ZFP42: variants seen among roughly 807,000 people sequenced by gnomAD.
ZFP42 encodes zinc finger protein 42 homolog.
For missense variants in ZFP42, 438 were observed against 377.1 expected (o/e 1.16, Z -1.34); for synonymous variants, 175 against 144.6 (o/e 1.21, Z -1.51).
chr4:187,998,318 A>G (rs1462750280), intron 1 of ZFP42, among the ~76,000 whole-genome samples: 1 of 151,640 alleles, frequency 6.6e-6, no homozygotes, highest in Non-Finnish European at 1.5e-5. Context: ...CCTGGGCAAC[A>G]AGAGGGAAAC....
intron 3 of ZFP42, among the ~76,000 whole-genome samples, chr4:188,000,708 G>T (rs1368064464): frequency 6.6e-6 from 1 of 152,158 alleles, no homozygotes; most frequent in East Asian, 1.9e-4. Context: ...CAGGCCTGGC[G>T]CAGTGGCTCA....
At chr4:187,996,895 C>T (rs1222313295) in intron 1 of ZFP42, among the ~76,000 whole-genome samples, 1 of 152,186 alleles carries the variant, frequency 6.6e-6, no homozygotes, top group Non-Finnish European at 1.5e-5. Context: ...TCCTTGGGAC[C>T]TGGGATGAAA....
At chr4:187,997,064 C>T (rs1264332350) in intron 1 of ZFP42, among the ~76,000 whole-genome samples, 1 of 149,960 alleles carries the variant, frequency 6.7e-6, no homozygotes, top group Non-Finnish European at 1.5e-5. Flanking sequence ...CTGCAGCCCC[C>T]GGGGAGCGCC....
intron 1 of ZFP42, among the ~76,000 whole-genome samples, chr4:187,997,399 A>G (rs1733643792): frequency 6.7e-6 from 1 of 149,314 alleles, no homozygotes; most frequent in South Asian, 2.1e-4. Context: ...ACGCCCGACT[A>G]ATTTTTTTTA....
At position 188,003,333 on chromosome 4, in the gene ZFP42, C is replaced by A. The variant is rs1425250917; in HGVS notation, c.526C>A (p.Pro176Thr). ...KQLAEFARKK[P>T]PINKEYDSLS... ...GCTCGCAGAATTTGCTAGAAAGAAGCCCCCCATAAATAAAGAATATGACAG... is the reference window on the plus strand; with the variant it reads ...GCTCGCAGAATTTGCTAGAAAGAAGACCCCCATAAATAAAGAATATGACAG... Residue 176 changes from proline (P) to threonine (T), a missense_variant, in exon 4 of 4, where the codon CCC becomes ACC. By Grantham distance (38) the Pro-to-Thr change is conservative. Coordinates refer to ENST00000326866, the MANE Select transcript of ZFP42 (RefSeq NM_174900.5). 1 of 1,613,986 alleles carries A rather than the reference C, an allele frequency of 6.2e-7. No homozygotes were observed.
intron 3 of ZFP42, among the ~76,000 whole-genome samples, chr4:188,000,271 C>T (rs1328264411): frequency 6.6e-6 from 1 of 152,154 alleles, no homozygotes; most frequent in Admixed American, 6.5e-5. Context: ...TTTAAATGGA[C>T]TAATTGGGGA....
chr4:187,997,000 A>ATGGAGCG (rs150847996), intron 1 of ZFP42, among the ~76,000 whole-genome samples: 9 of 88,190 alleles, frequency 1.0e-4, no homozygotes, highest in Non-Finnish European at 2.1e-4. Context: ...AGCATGGAGC[A>ATGGAGCG]TGGAGCGTGG....
intron 1 of ZFP42, among the ~76,000 whole-genome samples, chr4:187,997,631 G>A (rs1373437223): frequency 6.6e-6 from 1 of 151,948 alleles, no homozygotes; most frequent in African/African-American, 2.4e-5. Context: ...TGTTAACGAG[G>A]AACTTTGCAT....
intron 1 of ZFP42, among the ~76,000 whole-genome samples, chr4:187,997,228 C>CTTT (rs71595201): frequency 0.01 from 628 of 59,976 alleles, 102 homozygotes; most frequent in African/African-American, 0.042. Context: ...CTCTCATATT[C>CTTT]TTTTTTTTTT....
At chr4:188,002,639 T>A in intron 3 of ZFP42, 74 bp from the exon 4 acceptor site, 3 of 623,714 alleles carry the variant, frequency 4.8e-6, no homozygotes, top group Non-Finnish European at 5.7e-6. Context: ...TTGGAAAATG[T>A]GTCTTAGGTC....
downstream of ZFP42, chr4:188,005,125 G>A (rs1734003676): frequency 6.0e-6 from 1 of 166,768 alleles, no homozygotes; most frequent in Non-Finnish European, 1.5e-5. Context: ...TTAAAACTTA[G>A]CAAAATTCAA....
chr4:188,002,812 G>A lies in ZFP42; in HGVS notation c.5G>A (p.Ser2Asn), dbSNP rs1449063706. M[S>N]QQLKKRAKTR... The stretch of plus-strand genomic sequence containing the variant: ...GAAGGGCACAGGCAGGAAAACATGA[G>A]CCAGCAACTGAAGAAACGGGCAAAG... The change falls in exon 4 of 4, where the codon AGC (serine) becomes AAC (asparagine). Residue 2 changes from serine (S) to asparagine (N), a missense_variant. By Grantham distance (46) the Ser-to-Asn change is conservative (BLOSUM62 1). Transcript: ENST00000326866. 2 of 1,613,592 alleles carry A rather than the reference G, an allele frequency of 1.2e-6. No homozygotes were observed. Among genetic ancestry groups the A allele is most frequent in the Non-Finnish European group, 8.5e-7 (1 of 1,179,872 alleles).
chr4:187,997,014 G>C (rs112725806), intron 1 of ZFP42, among the ~76,000 whole-genome samples: 1 of 23,090 alleles, frequency 4.3e-5, no homozygotes, highest in South Asian at 2.0e-3. Context: ...AGCGTGGAGC[G>C]TGGAGCATGG....
At chr4:188,000,200 G>A (rs1383851108) in intron 3 of ZFP42, among the ~76,000 whole-genome samples, 1 of 152,076 alleles carries the variant, frequency 6.6e-6, no homozygotes, top group East Asian at 1.9e-4. Context: ...CACTCAAAAA[G>A]GTTTCATACT....
chr4:188,000,254 G>C (rs936794476), intron 3 of ZFP42, among the ~76,000 whole-genome samples: 2 of 152,140 alleles, frequency 1.3e-5, no homozygotes, highest in African/African-American at 2.4e-5. Flanking sequence ...GGATGCACAA[G>C]CTGTTTTTTA....
chr4:187,998,721 T>C (rs757559556), intron 1 of ZFP42, among the ~76,000 whole-genome samples: 45 of 152,218 alleles, frequency 3.0e-4, no homozygotes, highest in Admixed American at 6.5e-4. Flanking sequence ...CCATGGGCCC[T>C]ACTGTGTAAC....
Position 188,004,812 on chromosome 4 carries a change from A to G in ZFP42, c.*1072A>G, listed in dbSNP as rs1482701054. The G allele has an allele frequency of 1.2e-5, 2 of 167,116 alleles. No individual in the cohort carries two copies. Among genetic ancestry groups the G allele is most frequent in the Non-Finnish European group, 2.9e-5 (2 of 68,136 alleles). 10.4% of individuals were successfully genotyped at this position (167,116 alleles called of 1,614,324 possible). A position where few individuals can be genotyped will look rare whatever the true frequency, so the allele number is the denominator to read the frequency against. Reference sequence around the variant, plus strand: ...TAAAAAAAGTAAAAATTAAAAATATACTTCATGGTTCATGTCATAGCCCTA... The same window carrying G: ...TAAAAAAAGTAAAAATTAAAAATATGCTTCATGGTTCATGTCATAGCCCTA... On this transcript the variant is annotated 3_prime_UTR_variant, in exon 4 of 4. Transcript: ENST00000326866.
chr4:188,001,245 A>G (rs761431928), intron 3 of ZFP42, among the ~76,000 whole-genome samples: 20 of 151,952 alleles, frequency 1.3e-4, no homozygotes, highest in Non-Finnish European at 2.2e-4. Flanking sequence ...TTAAAGGCAT[A>G]TAATTTTTCT....
At chr4:187,996,242 T>C (rs555039240) in intron 1 of ZFP42, among the ~76,000 whole-genome samples, 2 of 152,314 alleles carry the variant, frequency 1.3e-5, no homozygotes, top group Non-Finnish European at 2.9e-5. Flanking sequence ...TTTCCTCTCC[T>C]CTTATCTCTG....
Sources: allele counts gnomAD v4.1 joint callset (sites outside exome capture counted in the v4.1 genomes callset), GRCh38; gene constraint gnomAD v4.1.1; transcripts MANE v1.5; gene names NCBI Gene and HGNC (gene_info 2026-07-23, HGNC 2026-07-21).